The following OPRM1 variants were observed in gnomAD, a reference collection of about 807,000 sequenced individuals.
OPRM1 encodes the protein mu-type opioid receptor.
Under a neutral mutation model 31.8 loss-of-function variants are expected in OPRM1, and 27 were observed. The ratio of observed to expected loss-of-function variants is 0.85; its 90% CI spans 0.63 to 1.17. OPRM1 has a LOEUF of 1.17. Among genes scored for constraint, OPRM1 ranks in the 50% most tolerant of loss-of-function variants. OPRM1 has a pLI of 0.00. For missense variants in OPRM1, 536 were observed against 511.1 expected (o/e 1.05, Z -0.47); for synonymous variants, 196 against 189.9 (o/e 1.03, Z -0.26).
chr6:154,068,614 C>T (rs1235202289), intron 1 of OPRM1, among the ~76,000 whole-genome samples: 2 of 152,146 alleles, frequency 1.3e-5, no homozygotes, highest in Non-Finnish European at 2.9e-5. Flanking sequence ...TATTAATGGA[C>T]ACTGAGATTT....
At position 154,120,485 on chromosome 6, in the gene OPRM1, T is replaced by A. The variant is rs1266463331; in HGVS notation, c.*1764T>A. ...TATTATGTTCCATAATAGACATACA[T>A]TATGTTTAATTTTTTATATTTTCTG... On this transcript the variant is annotated 3_prime_UTR_variant, in exon 4 of 4. Coordinates refer to ENST00000330432, the MANE Select transcript of OPRM1 (RefSeq NM_000914.5). 6.6e-6 allele frequency among the ~76,000 whole-genome samples: 1 copy of A among 152,170 alleles called. No individual in the cohort carries two copies. Among genetic ancestry groups the A allele is most frequent in the African/African-American group, 2.4e-5 (1 of 41,452 alleles).
In OPRM1 at chr6:154,091,110, T is replaced by C. The variant is rs200811844; in HGVS notation, c.802T>C (p.Ser268Pro). 1.2e-4 allele frequency: 201 copies of C among 1,614,176 alleles called. No individual in the cohort carries two copies. The African/African-American group carries it at 2.5e-3, about 20-fold the overall frequency. ...ILRLKSVRML[S>P]GSKEKDRNLR... ...GCGCCTCAAGAGTGTCCGCATGCTC[T>C]CTGGCTCCAAAGAAAAGGACAGGAA... is the stretch of plus-strand genomic sequence containing the variant. Residue 268 changes from serine to proline, a missense_variant, in exon 3 of 4, where the codon TCT becomes CCT. By Grantham distance (74) the Ser-to-Pro change is moderately conservative. Coordinates refer to ENST00000330432, the MANE Select transcript of OPRM1 (RefSeq NM_000914.5).
exon 4 of OPRM1, chr6:154,246,789 AT>A: frequency 3.1e-6 from 5 of 1,611,290 alleles, no homozygotes; most frequent in Non-Finnish European, 4.2e-6. Context: ...GAGGTAGATA[AT>A]GTATTACCCT....
rs1797395590 is a variant in OPRM1, at chr6:154,123,165, C to T, written c.*4444C>T. Among the ~76,000 whole-genome samples the T allele has an allele frequency of 6.6e-6, 1 of 152,166 alleles. No homozygotes were observed. Among genetic ancestry groups the T allele is most frequent in the Non-Finnish European group, 1.5e-5 (1 of 68,016 alleles). ...TGAGTAACTTCTCTTATCTGAAAAG[C>T]TGTCTGTACAACTGCCTCTATCTAT... On this transcript the variant is annotated 3_prime_UTR_variant, in exon 4 of 4. Transcript: ENST00000330432.
intron 3 of OPRM1, among the ~76,000 whole-genome samples, chr6:154,116,201 C>G (rs891761859): frequency 2.0e-5 from 3 of 152,182 alleles, no homozygotes; most frequent in Admixed American, 1.3e-4. Flanking sequence ...AGCTGTCATT[C>G]TGTCCAGGAC....
intron 3 of OPRM1, among the ~76,000 whole-genome samples, chr6:154,117,075 C>T (rs954424554): frequency 2.0e-5 from 3 of 152,186 alleles, no homozygotes; most frequent in Non-Finnish European, 4.4e-5. Context: ...ACCTTTCAAC[C>T]TCCATCTATT....
intron 3 of OPRM1, chr6:154,159,969 T>C: frequency 6.2e-7 from 1 of 1,613,316 alleles, no homozygotes; most frequent in South Asian, 1.1e-5. Context: ...CTTTCCACTC[T>C]CTGTATTTCC....
At chr6:154,153,512 C>T (rs1176466942) in intron 3 of OPRM1, among the ~76,000 whole-genome samples, 1 of 152,078 alleles carries the variant, frequency 6.6e-6, no homozygotes, top group Non-Finnish European at 1.5e-5. Flanking sequence ...GGCGAAGTCC[C>T]GTCTCTACTG....
At chr6:154,208,629 G>A (rs935624023) in intron 3 of OPRM1, among the ~76,000 whole-genome samples, 3 of 152,178 alleles carry the variant, frequency 2.0e-5, no homozygotes, top group Admixed American at 6.5e-5. Flanking sequence ...CTTCTTGAAT[G>A]AATGAATATG....
chr6:154,222,960 T>C, intron 3 of OPRM1: 4 of 586,806 alleles, frequency 6.8e-6, no homozygotes, highest in Non-Finnish European at 9.2e-6. Flanking sequence ...GTGGGGGTTT[T>C]AAAATCCATC....
In OPRM1 at chr6:154,091,005, C is replaced by T; in HGVS notation, c.697C>T (p.Leu233=). 1 of 1,614,094 alleles carries T rather than the reference C, an allele frequency of 6.2e-7. No individual in the cohort carries two copies. The highest frequency in any genetic ancestry group is 8.5e-7 in the Non-Finnish European group (1 of 1,179,972). Residue 233 remains leucine (L), a synonymous_variant, in exon 3 of 4, where the codon CTG becomes TTG. Coordinates refer to ENST00000330432, the MANE Select transcript of OPRM1 (RefSeq NM_000914.5). The part of the protein sequence containing the change: ...FSHPTWYWEN[L]LKICVFIFAF... ...TCATCCAACCTGGTACTGGGAAAAC[C>T]TGCTGAAGATCTGTGTTTTCATCTT...
At chr6:154,146,715 TG>T (rs1798367304) in intron 3 of OPRM1, among the ~76,000 whole-genome samples, 1 of 152,136 alleles carries the variant, frequency 6.6e-6, no homozygotes, top group South Asian at 2.1e-4. Context: ...CTTAATATGC[TG>T]TGCTTCCCCT....
In OPRM1 at chr6:154,091,200, A is replaced by G. The variant is rs1792080980; in HGVS notation, c.892A>G (p.Ile298Val). The G allele has an allele frequency of 6.2e-7, 1 of 1,614,198 alleles. No homozygotes were observed. Among genetic ancestry groups the G allele is most frequent in the South Asian group, 1.1e-5 (1 of 91,090 alleles). ...TGTGTTCATCGTCTGCTGGACTCCC[A>G]TTCACATTTACGTCATCATTAAAGC... ...VAVFIVCWTP[I>V]HIYVIIKALV... is the part of the protein sequence containing the mutation. The change falls in exon 3 of 4, where the codon ATT becomes GTT. Residue 298 changes from isoleucine (I) to valine (V), a missense_variant. By Grantham distance (29) the Ile-to-Val change is conservative. Transcript: ENST00000330432.
At chr6:154,232,511 T>C (rs1779803392) in intron 3 of OPRM1, among the ~76,000 whole-genome samples, 1 of 152,096 alleles carries the variant, frequency 6.6e-6, no homozygotes, top group South Asian at 2.1e-4. Flanking sequence ...ATGGGAACCA[T>C]CATGTGGTAT....
At chr6:154,043,518 GAT>G (rs879752815) in intron 1 of OPRM1, among the ~76,000 whole-genome samples, 22 of 143,964 alleles carry the variant, frequency 1.5e-4, no homozygotes, top group African/African-American at 5.1e-4. Context: ...CTAATATAAG[GAT>G]ATATATGTGT....
At chr6:154,171,506 G>T (rs779386321) in intron 3 of OPRM1, among the ~76,000 whole-genome samples, 52 of 152,142 alleles carry the variant, frequency 3.4e-4, no homozygotes, top group Admixed American at 1.6e-3. Context: ...AATGTGTAAG[G>T]ATTTCTTTTT....
intron 1 of OPRM1, among the ~76,000 whole-genome samples, chr6:154,061,203 G>A (rs1051069126): frequency 1.7e-4 from 26 of 152,070 alleles, no homozygotes; most frequent in Non-Finnish European, 3.1e-4. Context: ...CCAGGAACAT[G>A]TCCCCAGTAA....
intron 3 of OPRM1, among the ~76,000 whole-genome samples, chr6:154,114,714 C>T (rs1409006963): frequency 6.6e-6 from 1 of 151,916 alleles, no homozygotes; most frequent in Non-Finnish European, 1.5e-5. Context: ...CAACTAAATT[C>T]AGTTGGCATG....
intron 3 of OPRM1, among the ~76,000 whole-genome samples, chr6:154,116,584 C>CAAA (rs1293710740): frequency 1.4e-5 from 1 of 72,932 alleles, no homozygotes; most frequent in East Asian, 4.0e-4. Context: ...GACTCTGCCT[C>CAAA]AAAAAAAAAA....
Sources: allele counts gnomAD v4.1 joint callset (sites outside exome capture counted in the v4.1 genomes callset), GRCh38; gene constraint gnomAD v4.1.1; transcripts MANE v1.5; gene names NCBI Gene and HGNC (gene_info 2026-07-23, HGNC 2026-07-21).